ZNF584: variants seen among roughly 807,000 people sequenced by gnomAD.
The protein encoded by ZNF584 is zinc finger protein 584.
Under a neutral mutation model 14.7 loss-of-function variants are expected in ZNF584, and 12 were observed. The observed-to-expected ratio is 0.82, with a 90% CI of 0.52 to 1.32. ZNF584 has a LOEUF of 1.32. Ranked by LOEUF, ZNF584 falls within the 40% of genes most tolerant of loss-of-function variation. The pLI is 0.00. For synonymous variants in ZNF584, 204 were observed against 190.9 expected, an observed-to-expected ratio of 1.07 and a Z score of -0.57; for missense variants, 478 against 518.8, an observed-to-expected ratio of 0.92 and a Z score of 0.76.
At chr19:58,413,326 AT>A (rs1022529711) in intron 2 of ZNF584, among the ~76,000 whole-genome samples, 3 of 148,886 alleles carry the variant, frequency 2.0e-5, no homozygotes, top group Non-Finnish European at 4.5e-5. Flanking sequence ...TTGTTGTGGT[AT>A]TTTTTTCTTT....
intron 1 of ZNF584, among the ~76,000 whole-genome samples, chr19:58,401,961 C>T (rs1352987838): frequency 6.9e-6 from 1 of 145,444 alleles, no homozygotes; most frequent in Non-Finnish European, 1.5e-5. Flanking sequence ...CCCAACCACT[C>T]GGGAGGCTGA....
At chr19:58,405,163 C>G (rs1249449887), upstream of ZNF584, 1 of 139,494 alleles carries the variant, frequency 7.2e-6, no homozygotes, top group Admixed American at 7.0e-5. Context: ...GCTGGCCGGG[C>G]AGGGGGCTGA....
intron 2 of ZNF584, 104 bp downstream of exon 2, chr19:58,410,195 CAGATT>C (rs1246716545): frequency 3.9e-5 from 55 of 1,403,858 alleles, no homozygotes; most frequent in Non-Finnish European, 4.9e-5. Flanking sequence ...CTTTCCTTCC[CAGATT>C]CCCTGTTGTA....
At chr19:58,402,391 CTTTCA>C (rs1188921412) in intron 1 of ZNF584, among the ~76,000 whole-genome samples, 1 of 152,228 alleles carries the variant, frequency 6.6e-6, no homozygotes, top group Non-Finnish European at 1.5e-5. Flanking sequence ...GGGATGGGTG[CTTTCA>C]TTTTTATCGT....
Position 58,417,065 on chromosome 19 carries a change from G to T in ZNF584, c.547G>T (p.Glu183Ter), listed in dbSNP as rs369577018. The T allele has an allele frequency of 1.8e-5, 29 of 1,613,618 alleles. No individual in the cohort carries two copies. Among genetic ancestry groups the T allele is most frequent in the Non-Finnish European group, 2.4e-5 (28 of 1,179,728 alleles). The part of the protein sequence containing the change: ...ALLDHLITHS[E>*]ERPFRCPTGR... ...CCTTGACCATCTGATAACGCATTCT[G>T]AAGAGAGACCCTTCAGATGCCCAAC... Residue 183 changes from glutamate (E) to a stop codon, truncating the protein, a stop_gained, in exon 4 of 4, where the codon GAA becomes TAA. Coordinates refer to ENST00000306910, the MANE Select transcript of ZNF584 (RefSeq NM_173548.3). LOFTEE classifies it low-confidence loss of function (END_TRUNC).
chr19:58,403,399 A>C (rs568223941), intron 1 of ZNF584, among the ~76,000 whole-genome samples: 2 of 152,278 alleles, frequency 1.3e-5, no homozygotes, highest in South Asian at 4.1e-4. Context: ...CACATTGGTA[A>C]GTGACAGAAG....
upstream of ZNF584, chr19:58,405,108 T>G (rs2052457873): frequency 3.4e-5 from 4 of 117,514 alleles, no homozygotes; most frequent in Non-Finnish European, 5.2e-5. Context: ...CACTTCCCAG[T>G]AGGGGCGGCC....
upstream of ZNF584, chr19:58,408,171 G>A (rs188823122): frequency 6.6e-6 from 1 of 152,378 alleles, no homozygotes; most frequent in African/African-American, 2.4e-5. Flanking sequence ...ACATTTTTCT[G>A]AGCCTTGCTC....
intron 2 of ZNF584, among the ~76,000 whole-genome samples, chr19:58,414,263 T>C (rs1312243329): frequency 6.6e-6 from 1 of 152,234 alleles, no homozygotes; most frequent in East Asian, 1.9e-4. Flanking sequence ...TTGATTTCTG[T>C]TTTAATTCAT....
chr19:58,408,897 G>A lies in ZNF584; in HGVS notation c.-251G>A, dbSNP rs906342012. The A allele has an allele frequency of 9.7e-6, 4 of 413,396 alleles. No individual in the cohort carries two copies. The highest frequency in any genetic ancestry group is 3.7e-5 in the East Asian group (1 of 27,390). The allele number at this position is 413,396 out of a possible 1,614,324, so 25.6% of individuals were successfully genotyped here. ...ACCTTTGCCGCGCCTTCCACGCGCCGTGCCCCACCGGCGAGTGGCTCCATC... is the reference window on the plus strand; with the variant it reads ...ACCTTTGCCGCGCCTTCCACGCGCCATGCCCCACCGGCGAGTGGCTCCATC... On this transcript the variant is annotated 5_prime_UTR_variant, in exon 1 of 4. The change creates a new upstream start codon in the 5' untranslated region. Transcript: ENST00000306910.
chr19:58,415,383 A>C, intron 2 of ZNF584, 141 bp from the exon 3 acceptor site: 1 of 807,438 alleles, frequency 1.2e-6, no homozygotes, highest in Non-Finnish European at 1.9e-6. Flanking sequence ...TTTTTTGTAG[A>C]GTTGGGGTCT....
intron 3 of ZNF584, chr19:58,416,575 T>C (rs1430540147): frequency 2.7e-6 from 1 of 376,034 alleles, no homozygotes; most frequent in African/African-American, 2.1e-5. Context: ...GCTAATTTTG[T>C]ATTTTTAGAA....
Position 58,413,890 on chromosome 19 carries a change from C to T in ZNF584, c.170-1634C>T, listed in dbSNP as rs539136754. Among the ~76,000 whole-genome samples the T allele has an allele frequency of 1.5e-4, 23 of 152,078 alleles. 1 individual carries two copies. In the South Asian group the frequency reaches 4.8e-3, roughly 32 times the overall value. ...CTGGAGTGCAGTGGCACTATCTCGG[C>T]TCACTGCAAGCTCCGCCTCCTGGAT... On this transcript the variant is annotated intron_variant, in intron 2 of 3. Coordinates refer to ENST00000306910, the MANE Select transcript of ZNF584 (RefSeq NM_173548.3).
In ZNF584 at chr19:58,417,344, G is replaced by C; in HGVS notation, c.826G>C (p.Gly276Arg). Residue 276 changes from glycine (G) to arginine (R), a missense_variant, in exon 4 of 4, where the codon GGT becomes CGT. Physicochemically the swap from Gly to Arg is moderately radical, Grantham distance 125. This residue lies in a region of ZNF584 where 283 missense variants were observed against 317.3 expected (regional missense o/e 0.89). Transcript: ENST00000306910. ...GERPYECSKC[G>R]KTFSVLSTLI... ...AAGGCCTTACGAGTGCAGCAAATGT[G>C]GTAAAACCTTCAGTGTTCTGTCTAC... 6.2e-7 allele frequency: 1 copy of C among 1,614,172 alleles called. No homozygotes were observed.
Position 58,410,537 on chromosome 19 carries a change from ATATATATATATATATATATATGTG to A in ZNF584, c.169+458_169+481del, listed in dbSNP as rs1568584294. 3.2e-4 allele frequency among the ~76,000 whole-genome samples: 8 copies of A among 24,648 alleles called. No individual in the cohort carries two copies. The East Asian group carries it at 5.1e-3, about 16-fold the overall frequency. The allele number at this position is 24,648 out of a possible 152,430, so 16.2% of individuals were successfully genotyped here. Reference sequence around the variant, plus strand: ...TTGGGAAATATATATATATATATATATATATATATATATATATATATGTGTATATATATATGTATATATATGTAT... The same window carrying A: ...TTGGGAAATATATATATATATATATATATATATATATGTATATATATGTAT... On this transcript the variant is annotated intron_variant, in intron 2 of 3. Coordinates refer to ENST00000306910, the MANE Select transcript of ZNF584 (RefSeq NM_173548.3).
intron 1 of ZNF584, 140 bp from the exon 2 acceptor site, chr19:58,409,801 G>A: frequency 1.0e-6 from 1 of 975,196 alleles, no homozygotes; most frequent in Middle Eastern, 2.7e-4. Flanking sequence ...AGGGAGTAAG[G>A]TGGGGAAGAG....
chr19:58,415,641 G>T lies in ZNF584; in HGVS notation c.287G>T (p.Gly96Val). ...VSRAEARRGF[G>V]LDGLCRVEDE... ...AGAGCAGAAGCCAGGAGAGGTTTTGGTCTTGGTAAGTGGAGTGGAGGGGAA... is the reference window on the plus strand; with the variant it reads ...AGAGCAGAAGCCAGGAGAGGTTTTGTTCTTGGTAAGTGGAGTGGAGGGGAA... Residue 96 changes from glycine to valine, a missense_variant, in exon 3 of 4, where the codon GGT becomes GTT. Transcript: ENST00000306910. 6.2e-7 allele frequency: 1 copy of T among 1,613,866 alleles called. No individual in the cohort carries two copies. The highest frequency in any genetic ancestry group is 8.5e-7 in the Non-Finnish European group (1 of 1,179,846).
rs990234426 is a variant in ZNF584 at position 58,410,164 on chromosome 19, C to T, written c.169+73C>T. The T allele has an allele frequency of 3.6e-5, 54 of 1,508,532 alleles. No individual in the cohort carries two copies. In the East Asian group the frequency reaches 9.9e-4, roughly 28 times the overall value. 93.4% of individuals were successfully genotyped at this position (1,508,532 alleles called of 1,614,324 possible). A position where few individuals can be genotyped will look rare whatever the true frequency, so the allele number is the denominator to read the frequency against. On this transcript the variant is annotated intron_variant, in intron 2 of 3. Transcript: ENST00000306910. ...TCCCCATGCGAAGTTCTGTCCATAACGAAGCCAGACCATGGGGGCTCTTTC... is the reference window on the plus strand; with the variant it reads ...TCCCCATGCGAAGTTCTGTCCATAATGAAGCCAGACCATGGGGGCTCTTTC...
intron 2 of ZNF584, among the ~76,000 whole-genome samples, chr19:58,410,563 A>ATATATATATGTATATATATG (rs1368140818): frequency 6.8e-5 from 2 of 29,432 alleles, no homozygotes; most frequent in East Asian, 6.5e-4. Context: ...ATATATGTGT[A>ATATATATATGTATATATATG]TATATATATG....
Sources: gnomAD v4.1 joint callset for allele counts (sites outside exome capture counted in the v4.1 genomes callset) on GRCh38, gnomAD v4.1.1 for gene constraint, gnomAD v4.1.1 regional missense constraint, MANE v1.5 for transcripts, NCBI Gene and HGNC (gene_info 2026-07-23, HGNC 2026-07-21) for gene names.